Variants in NAALADL2 observed in about 807,000 individuals in gnomAD.
The protein encoded by NAALADL2 is N-acetylated alpha-linked acidic dipeptidase like 2, also known as inactive N-acetylated-alpha-linked acidic dipeptidase-like protein 2.
NAALADL2 carries 76 observed loss-of-function variants against 87.2 expected under a neutral mutation model. That is an observed-to-expected ratio of 0.87 (90% CI 0.72 to 1.05). NAALADL2 has a LOEUF of 1.05. Among genes scored for constraint, NAALADL2 ranks in the 50% least tolerant of loss-of-function variants. The probability of loss-of-function intolerance (pLI) is 0.00; values close to 1 mark genes in which losing one functional copy is unlikely to be tolerated. For missense variants in NAALADL2, 1,089 were observed against 945.8 expected (o/e 1.15, Z -1.99); for synonymous variants, 354 against 331.0 (o/e 1.07, Z -0.75).
intron 2 of NAALADL2, among the ~76,000 whole-genome samples, chr3:175,118,637 T>G (rs1032495470): frequency 9.2e-5 from 14 of 151,730 alleles, no homozygotes; most frequent in African/African-American, 3.1e-4. Context: ...CTATAATGTC[T>G]AAATCAAAGT....
Position 174,893,020 on chromosome 3 carries a change from G to C in NAALADL2, c.43+33570G>C, listed in dbSNP as rs953652455. On this transcript the variant is annotated intron_variant, in intron 1 of 13. Coordinates refer to ENST00000454872, the MANE Select transcript of NAALADL2 (RefSeq NM_207015.3). ...CACATTTAATAATCACACTCTCAAA[G>C]GTCAAGGATAAAGAAAGGATTCTAA... is the stretch of plus-strand genomic sequence containing the variant. Among the ~76,000 whole-genome samples the C allele has an allele frequency of 2.6e-5, 4 of 151,538 alleles. 1 individual carries two copies. In the South Asian group the frequency reaches 8.3e-4, roughly 31 times the overall value.
chr3:175,210,856 T>C (rs2109262398), intron 2 of NAALADL2, among the ~76,000 whole-genome samples: 1 of 151,960 alleles, frequency 6.6e-6, no homozygotes, highest in African/African-American at 2.4e-5. Context: ...ACATTTACTT[T>C]AAAACTTATA....
At chr3:175,430,226 C>T (rs1042984862) in intron 5 of NAALADL2, among the ~76,000 whole-genome samples, 3 of 151,776 alleles carry the variant, frequency 2.0e-5, no homozygotes, top group African/African-American at 7.3e-5. Flanking sequence ...CTAAATTCTA[C>T]CATTTTATAG....
At chr3:175,403,843 C>T (rs1711810887) in intron 5 of NAALADL2, among the ~76,000 whole-genome samples, 1 of 152,114 alleles carries the variant, frequency 6.6e-6, no homozygotes, top group South Asian at 2.1e-4. Context: ...ACTGAATCAG[C>T]ATTAGATGCC....
At chr3:174,783,963 A>G (rs1330353412) in intron 3 of NAALADL2, among the ~76,000 whole-genome samples, 1 of 152,182 alleles carries the variant, frequency 6.6e-6, no homozygotes. Flanking sequence ...CTCACTGGAT[A>G]TATTAACTAA....
chr3:175,078,438 A>G (rs1016056893), intron 1 of NAALADL2, among the ~76,000 whole-genome samples: 2 of 152,138 alleles, frequency 1.3e-5, no homozygotes, highest in Admixed American at 1.3e-4. Context: ...TAAATTAAAA[A>G]CCATAAAATT....
intron 1 of NAALADL2, among the ~76,000 whole-genome samples, chr3:174,500,062 T>C (rs898867889): frequency 6.6e-5 from 10 of 152,112 alleles, no homozygotes; most frequent in African/African-American, 2.4e-4. Flanking sequence ...TGAAAAAAGG[T>C]GTGCCTCTCT....
At chr3:174,524,702 C>A (rs569017719) in intron 1 of NAALADL2, among the ~76,000 whole-genome samples, 2 of 133,954 alleles carry the variant, frequency 1.5e-5, no homozygotes, top group Non-Finnish European at 1.6e-5. Flanking sequence ...TACCTGCCAC[C>A]ATGCCCAACA....
At chr3:175,102,492 A>T (rs1004638770) in intron 2 of NAALADL2, among the ~76,000 whole-genome samples, 7 of 152,102 alleles carry the variant, frequency 4.6e-5, no homozygotes, top group Non-Finnish European at 1.0e-4. Flanking sequence ...GTTCTTTCCC[A>T]TGGTATTTAA....
chr3:175,750,836 C>T (rs972147199), intron 12 of NAALADL2, among the ~76,000 whole-genome samples: 1 of 152,062 alleles, frequency 6.6e-6, no homozygotes, highest in Non-Finnish European at 1.5e-5. Flanking sequence ...CTAACTAGAT[C>T]AGGAATTTAT....
chr3:175,781,534 G>T (rs1553771703), intron 13 of NAALADL2, among the ~76,000 whole-genome samples: 4 of 151,508 alleles, frequency 2.6e-5, no homozygotes, highest in Non-Finnish European at 5.9e-5. Context: ...CCTAGTTTAT[G>T]TACTTACTAT....
At chr3:174,731,268 G>A (rs375137200) in intron 2 of NAALADL2, among the ~76,000 whole-genome samples, 2 of 152,072 alleles carry the variant, frequency 1.3e-5, no homozygotes, top group African/African-American at 2.4e-5. Flanking sequence ...CAGGCAGTCC[G>A]ATAAAAATTG....
At chr3:174,784,769 T>A (rs572581881) in intron 3 of NAALADL2, among the ~76,000 whole-genome samples, 1 of 152,368 alleles carries the variant, frequency 6.6e-6, no homozygotes, top group South Asian at 2.1e-4. Flanking sequence ...AACTGGTGAA[T>A]AATCCTTTAA....
At chr3:175,473,402 T>TG (rs1725182893) in intron 9 of NAALADL2, among the ~76,000 whole-genome samples, 1 of 151,742 alleles carries the variant, frequency 6.6e-6, no homozygotes, top group Non-Finnish European at 1.5e-5. Context: ...ATATTTTTTT[T>TG]CTGTTGAGAT....
chr3:175,601,477 C>G (rs921737919), intron 10 of NAALADL2, among the ~76,000 whole-genome samples: 2 of 152,088 alleles, frequency 1.3e-5, no homozygotes, highest in African/African-American at 4.8e-5. Flanking sequence ...ATGCATGTGT[C>G]AGGAGCACAG....
chr3:174,884,252 C>G (rs1328818055), intron 1 of NAALADL2, among the ~76,000 whole-genome samples: 1 of 152,094 alleles, frequency 6.6e-6, no homozygotes, highest in Non-Finnish European at 1.5e-5. Flanking sequence ...ACCCATGAAC[C>G]CTGGCCATGA....
At chr3:175,423,051 A>ATATATATATATATAT (rs1458599872) in intron 5 of NAALADL2, among the ~76,000 whole-genome samples, 15 of 91,504 alleles carry the variant, frequency 1.6e-4, no homozygotes, top group African/African-American at 5.5e-4. Flanking sequence ...ATATATATAT[A>ATATATATATATATAT]TTTTTTTTTT....
intron 1 of NAALADL2, among the ~76,000 whole-genome samples, chr3:174,917,208 T>A (rs1054936289): frequency 3.9e-5 from 6 of 152,058 alleles, no homozygotes; most frequent in African/African-American, 1.4e-4. Flanking sequence ...TTTCCCATAG[T>A]CAATTGAAAA....
At chr3:175,722,169 A>G (rs1415919093) in intron 11 of NAALADL2, among the ~76,000 whole-genome samples, 2 of 152,128 alleles carry the variant, frequency 1.3e-5, no homozygotes, top group African/African-American at 2.4e-5. Flanking sequence ...TTCAACTTTC[A>G]ACCCCTATAT....
Sources: allele counts gnomAD v4.1 joint callset (sites outside exome capture counted in the v4.1 genomes callset), GRCh38; gene constraint gnomAD v4.1.1; transcripts MANE v1.5; gene names NCBI Gene and HGNC (gene_info 2026-07-23, HGNC 2026-07-21).